Variants in COL17A1 observed in about 807,000 individuals in gnomAD.
COL17A1 encodes collagen alpha-1(XVII) chain.
Under a neutral mutation model 218.4 loss-of-function variants are expected in COL17A1, and 181 were observed. The ratio of observed to expected loss-of-function variants is 0.83; its 90% CI spans 0.73 to 0.94. The LOEUF is 0.94. COL17A1 is among the 40% of genes least tolerant of loss of function. The probability of loss-of-function intolerance (pLI) is 0.00; values close to 1 mark genes in which losing one functional copy is unlikely to be tolerated. For synonymous variants in COL17A1, 721 were observed against 731.0 expected, an observed-to-expected ratio of 0.99 and a Z score of 0.22; for missense variants, 1,924 against 1,945.9, an observed-to-expected ratio of 0.99 and a Z score of 0.21.
At chr10:104,078,185 T>C (rs1035987206) in intron 3 of COL17A1, among the ~76,000 whole-genome samples, 10 of 152,144 alleles carry the variant, frequency 6.6e-5, no homozygotes, top group African/African-American at 2.4e-4. Context: ...AGATCAGATA[T>C]CCAATATTTT....
chr10:104,063,442 A>G, intron 11 of COL17A1: 1 of 406,968 alleles, frequency 2.5e-6, no homozygotes, highest in South Asian at 2.4e-5. Flanking sequence ...CAATGCCTTT[A>G]CCCTGAAAAT....
At chr10:104,043,752 A>G in intron 34 of COL17A1, 73 bp downstream of exon 34, 1 of 1,584,120 alleles carries the variant, frequency 6.3e-7, no homozygotes, top group Admixed American at 1.7e-5. Context: ...CCTGCCCAGA[A>G]CGCTGCAGAG....
intron 3 of COL17A1, 54 bp downstream of exon 3, chr10:104,078,488 G>A (rs928150996): frequency 2.5e-6 from 4 of 1,612,458 alleles, no homozygotes; most frequent in African/African-American, 2.7e-5. Flanking sequence ...TTACAGGTGT[G>A]GGGCCCTTCA....
At chr10:104,056,037 G>C (rs1394996234) in intron 17 of COL17A1, 34 bp from the exon 18 acceptor site, 12 of 1,612,796 alleles carry the variant, frequency 7.4e-6, no homozygotes, top group Non-Finnish European at 1.0e-5. Flanking sequence ...CGTCACTGAG[G>C]GCCCGGTCCT....
chr10:104,041,396 A>G, intron 37 of COL17A1, 52 bp from the exon 38 acceptor site: 1 of 1,599,268 alleles, frequency 6.3e-7, no homozygotes, highest in Non-Finnish European at 8.5e-7. Context: ...AGCTGATGCC[A>G]CCCCTGAGGA....
intron 50 of COL17A1, 38 bp from the exon 51 acceptor site, chr10:104,034,805 C>G: frequency 6.2e-7 from 1 of 1,603,862 alleles, no homozygotes; most frequent in Non-Finnish European, 8.5e-7. Flanking sequence ...CGGGGTAGTG[C>G]TGCGGAGGAA....
chr10:104,073,192 C>G lies in COL17A1; in HGVS notation c.415+18G>C. On this transcript the variant is annotated intron_variant, in intron 7 of 55. Transcript: ENST00000648076. ...TACTTGTTGAATGAATTGGACTGAA[C>G]CCAGTGACAGCACTCACCTCGTGTT... 1 of 1,612,174 alleles carries G rather than the reference C, an allele frequency of 6.2e-7. No homozygotes were observed. The highest frequency in any genetic ancestry group is 1.1e-5 in the South Asian group (1 of 91,056).
chr10:104,034,853 C>T, intron 50 of COL17A1, 86 bp from the exon 51 acceptor site: 2 of 1,548,066 alleles, frequency 1.3e-6, no homozygotes, highest in Non-Finnish European at 1.8e-6. Context: ...GCTGTGGGCC[C>T]CACCTGAAAG....
intron 15 of COL17A1, among the ~76,000 whole-genome samples, chr10:104,058,508 T>C (rs1256626676): frequency 6.6e-6 from 1 of 152,182 alleles, no homozygotes; most frequent in African/African-American, 2.4e-5. Context: ...TAAGTGTGGT[T>C]GTGAGAAATG....
chr10:104,053,838 C>A, intron 22 of COL17A1, 82 bp downstream of exon 22: 2 of 832,612 alleles, frequency 2.4e-6, no homozygotes, highest in Non-Finnish European at 4.1e-6. Context: ...CAAGGCCTCA[C>A]ATACAGCAGG....
intron 19 of COL17A1, 109 bp downstream of exon 19, chr10:104,055,259 TCAGC>T: frequency 6.4e-7 from 1 of 1,552,818 alleles, no homozygotes; most frequent in African/African-American, 1.4e-5. Flanking sequence ...ATAAGATCAT[TCAGC>T]TCTTCATCCT....
chr10:104,085,218 C>T (rs1482851038), intron 1 of COL17A1, among the ~76,000 whole-genome samples: 1 of 152,002 alleles, frequency 6.6e-6, no homozygotes, highest in Non-Finnish European at 1.5e-5. Flanking sequence ...CAATGTTTAC[C>T]ATGTATGGCT....
chr10:104,041,373 G>A (rs776137201), intron 37 of COL17A1, 29 bp from the exon 38 acceptor site: 19 of 1,608,638 alleles, frequency 1.2e-5, no homozygotes, highest in African/African-American at 6.7e-5. Flanking sequence ...AAGAGGCCAT[G>A]CTGAGCTCAG....
rs2086581756 is a variant in COL17A1, at chr10:104,061,424, A to G, written c.960T>C (p.Thr320=). The G allele has an allele frequency of 1.9e-6, 3 of 1,613,572 alleles. No homozygotes were observed. The highest frequency in any genetic ancestry group is 1.3e-5 in the African/African-American group (1 of 74,902). Residue 320 remains threonine, a synonymous_variant, in exon 13 of 56, where the codon ACT becomes ACC. Coordinates refer to ENST00000648076, the MANE Select transcript of COL17A1 (RefSeq NM_000494.4). ...ACTCACCGGCGGAGGTGGAAACGCCAGTGTTCACAGCCGCAGGACTCTGGG... is the reference window on the plus strand; with the variant it reads ...ACTCACCGGCGGAGGTGGAAACGCCGGTGTTCACAGCCGCAGGACTCTGGG... ...NMPQSPAAVN[T]GVSTSAACTT...
Position 104,048,057 on chromosome 10 carries a change from T to C in COL17A1, c.2263+12A>G. The C allele has an allele frequency of 6.2e-7, 1 of 1,614,158 alleles. No homozygotes were observed. Among genetic ancestry groups the C allele is most frequent in the Non-Finnish European group, 8.5e-7 (1 of 1,180,002 alleles). ...CGGGAGTGAGGCTGGGGGCAGCAGA[T>C]GAGTGACCAACCTCTTGGGCCTTGG... is the stretch of plus-strand genomic sequence containing the variant. On this transcript the variant is annotated intron_variant, in intron 30 of 55. Coordinates refer to ENST00000648076, the MANE Select transcript of COL17A1 (RefSeq NM_000494.4).
intron 8 of COL17A1, 88 bp downstream of exon 8, chr10:104,071,944 A>G (rs2086672752): frequency 1.9e-6 from 3 of 1,568,522 alleles, no homozygotes; most frequent in Non-Finnish European, 2.6e-6. Flanking sequence ...ATGCATGCAC[A>G]CACACACGCA....
chr10:104,053,944 G>A lies in COL17A1; in HGVS notation c.1810C>T (p.Pro604Ser), dbSNP rs2086494679. Residue 604 changes from proline (P) to serine (S), a missense_variant, in exon 22 of 56, where the codon CCA becomes TCA. Transcript: ENST00000648076. ...CCCACGCTGCCTTTTTGACCCTTTG[G>A]TCCTTGTGGACCTGGGTGGCCCAAG... ...GPLGHPGPQG[P>S]KGQKGSVGDP... 1 of 1,607,086 alleles carries A rather than the reference G, an allele frequency of 6.2e-7. No homozygotes were observed. The highest frequency in any genetic ancestry group is 8.5e-7 in the Non-Finnish European group (1 of 1,173,528).
At chr10:104,039,353 A>T (rs2086334410) in intron 43 of COL17A1, 92 bp downstream of exon 43, 2 of 1,377,934 alleles carry the variant, frequency 1.5e-6, no homozygotes, top group African/African-American at 2.8e-5. Flanking sequence ...CTTTACACTG[A>T]TGAGTACTTG....
At chr10:104,043,660 G>A in intron 34 of COL17A1, 79 bp from the exon 35 acceptor site, 4 of 1,533,906 alleles carry the variant, frequency 2.6e-6, no homozygotes, top group Non-Finnish European at 3.6e-6. Flanking sequence ...AGGTTGTGGT[G>A]GGCAGCCTGG....
Sources: allele counts gnomAD v4.1 joint callset (sites outside exome capture counted in the v4.1 genomes callset), GRCh38; gene constraint gnomAD v4.1.1; transcripts MANE v1.5; gene names NCBI Gene and HGNC (gene_info 2026-07-23, HGNC 2026-07-21).